Variants in SDK2 observed in about 807,000 individuals in gnomAD.
SDK2 encodes protein sidekick-2.
SDK2 carries 105 observed loss-of-function variants against 253.9 expected under a neutral mutation model. The ratio of observed to expected loss-of-function variants is 0.41; its 90% CI spans 0.35 to 0.49. SDK2 has a LOEUF of 0.49. SDK2 is among the 20% of genes least tolerant of loss of function. The pLI is 0.06. For missense variants in SDK2, 2,608 were observed against 3,003.0 expected, an observed-to-expected ratio of 0.87 and a Z score of 3.07; for synonymous variants, 1,249 against 1,234.9, an observed-to-expected ratio of 1.01 and a Z score of -0.24.
chr17:73,339,965 G>T (rs111826063), intron 44 of SDK2, among the ~76,000 whole-genome samples: 2 of 151,964 alleles, frequency 1.3e-5, no homozygotes, highest in East Asian at 1.9e-4. Context: ...CCACCTACCC[G>T]GTTCAAGTGA....
At chr17:73,615,924 T>C (rs2046049035) in intron 1 of SDK2, among the ~76,000 whole-genome samples, 1 of 152,244 alleles carries the variant, frequency 6.6e-6, no homozygotes, top group East Asian at 1.9e-4. Flanking sequence ...CACATACATA[T>C]ATACACAAAT....
chr17:73,512,398 A>G (rs937091695), intron 1 of SDK2, among the ~76,000 whole-genome samples: 1 of 152,120 alleles, frequency 6.6e-6, no homozygotes, highest in African/African-American at 2.4e-5. Flanking sequence ...GGTGCAGTAA[A>G]CAACCTGTGC....
Position 73,643,961 on chromosome 17 carries a change from G to GCCCCCCCCCCCCCCCCCCC in SDK2, c.64+63_64+64insGGGGGGGGGGGGGGGGGGG. ...GTCACCGTGAGGCCGGCCAGCTCCC[G>GCCCCCCCCCCCCCCCCCCC]CCGCCCCTCCCCCGCCCACTCTCCC... On this transcript the variant is annotated intron_variant, in intron 1 of 44. Transcript: ENST00000392650. The surrounding 1 kb of genome is among the most constrained non-coding windows in gnomAD (Gnocchi z 6.9). The GCCCCCCCCCCCCCCCCCCC allele has an allele frequency of 3.9e-6, 2 of 514,826 alleles. No individual in the cohort carries two copies. Among genetic ancestry groups the GCCCCCCCCCCCCCCCCCCC allele is most frequent in the Admixed American group, 2.5e-5 (1 of 40,750 alleles). The allele number at this position is 514,826 out of a possible 1,614,324, so 31.9% of individuals were successfully genotyped here. A position where few individuals can be genotyped will look rare whatever the true frequency, so the allele number is the denominator to read the frequency against.
Position 73,336,253 on chromosome 17 carries a change from A to G in SDK2, c.*2334T>C, listed in dbSNP as rs2062377087. 6.6e-6 allele frequency: 1 copy of G among 150,606 alleles called. No homozygotes were observed. Among genetic ancestry groups the G allele is most frequent in the Admixed American group, 6.6e-5 (1 of 15,168 alleles). The allele number at this position is 150,606 out of a possible 1,614,324, so 9.3% of individuals were successfully genotyped here. A position where few individuals can be genotyped will look rare whatever the true frequency, so the allele number is the denominator to read the frequency against. On this transcript the variant is annotated 3_prime_UTR_variant, in exon 45 of 45. Coordinates refer to ENST00000392650, the MANE Select transcript of SDK2 (RefSeq NM_001144952.2). The stretch of plus-strand genomic sequence containing the variant: ...CACGATCACAGGCCGGCAGCTGCAG[A>G]TGTGCTGCCATGGAGATGCCAGATG...
Position 73,395,449 on chromosome 17 carries a change from G to GCAGTTCCTCCCTGCAC in SDK2, c.3355-58_3355-57insGTGCAGGGAGGAACTG. On this transcript the variant is annotated intron_variant, in intron 24 of 44. Coordinates refer to ENST00000392650, the MANE Select transcript of SDK2 (RefSeq NM_001144952.2). The surrounding 1 kb of genome is among the most constrained non-coding windows in gnomAD (Gnocchi z 4.3). ...TGAGCCAGGCCCCCCACTGTGCAGG[G>GCAGTTCCTCCCTGCAC]AGGAACTGCCCTGCTACCCTCTCCT... The GCAGTTCCTCCCTGCAC allele has an allele frequency of 6.9e-7, 1 of 1,443,576 alleles. No homozygotes were observed. The highest frequency in any genetic ancestry group is 9.7e-7 in the Non-Finnish European group (1 of 1,030,506). The allele number at this position is 1,443,576 out of a possible 1,614,324, so 89.4% of individuals were successfully genotyped here. A position where few individuals can be genotyped will look rare whatever the true frequency, so the allele number is the denominator to read the frequency against.
intron 37 of SDK2, among the ~76,000 whole-genome samples, chr17:73,366,604 C>A (rs889351216): frequency 1.3e-5 from 2 of 152,216 alleles, no homozygotes; most frequent in Admixed American, 1.3e-4. Flanking sequence ...TCCACGAGGA[C>A]AGAACACTTG....
At chr17:73,438,519 G>A (rs2145626590) in intron 6 of SDK2, among the ~76,000 whole-genome samples, 1 of 152,312 alleles carries the variant, frequency 6.6e-6, no homozygotes, top group Non-Finnish European at 1.5e-5. Context: ...TTCCCTGTGT[G>A]CTGTGCCCCA....
chr17:73,436,949 T>C (rs2063374626), intron 8 of SDK2, among the ~76,000 whole-genome samples: 1 of 152,178 alleles, frequency 6.6e-6, no homozygotes, highest in Non-Finnish European at 1.5e-5. Flanking sequence ...GAATGTTACA[T>C]TCTACGCGAG....
intron 1 of SDK2, among the ~76,000 whole-genome samples, chr17:73,615,004 T>G (rs2046035683): frequency 6.6e-6 from 1 of 151,014 alleles, no homozygotes; most frequent in South Asian, 2.1e-4. Flanking sequence ...AAAGAAAGTT[T>G]GTAAAGGCTG....
intron 1 of SDK2, among the ~76,000 whole-genome samples, chr17:73,544,985 T>TTTCTTCCTTGGGCCTCCGCTCC (rs1555601113): frequency 8.6e-5 from 13 of 151,466 alleles, no homozygotes; most frequent in African/African-American, 3.2e-4. Flanking sequence ...GTCAAGGCTC[T>TTTCTTCCTTGGGCCTCCGCTCC]TTCTTCCTTG....
intron 4 of SDK2, among the ~76,000 whole-genome samples, chr17:73,452,976 C>T (rs1238734100): frequency 9.9e-5 from 15 of 152,170 alleles, no homozygotes; most frequent in Non-Finnish European, 4.4e-5. Flanking sequence ...TAAGTTAGGC[C>T]TAAGAGGGCA....
chr17:73,547,816 T>C (rs557397816), intron 1 of SDK2, among the ~76,000 whole-genome samples: 111 of 152,332 alleles, frequency 7.3e-4, no homozygotes, highest in Non-Finnish European at 8.5e-4. Flanking sequence ...ATTCTCATAA[T>C]GCTATAAAGA....
At position 73,338,506 on chromosome 17, in the gene SDK2, T is replaced by G; in HGVS notation, c.*81A>C. The G allele has an allele frequency of 1.2e-6, 1 of 869,354 alleles. No homozygotes were observed. The highest frequency in any genetic ancestry group is 1.8e-6 in the Non-Finnish European group (1 of 556,486). The allele number at this position is 869,354 out of a possible 1,614,324, so 53.9% of individuals were successfully genotyped here. On this transcript the variant is annotated 3_prime_UTR_variant, in exon 45 of 45. Coordinates refer to ENST00000392650, the MANE Select transcript of SDK2 (RefSeq NM_001144952.2). This position sits in a 1 kb window ranked among gnomAD's most constrained non-coding sequence, Gnocchi z 5.0. ...AAGTTGACTTGGTTTCTTGGTGTTT[T>G]TGTTTTCTGGCAGGCAGTGAGAGGA...
At chr17:73,566,487 G>A (rs1364633755) in intron 1 of SDK2, among the ~76,000 whole-genome samples, 1 of 152,120 alleles carries the variant, frequency 6.6e-6, no homozygotes, top group Non-Finnish European at 1.5e-5. Flanking sequence ...AATGAACAAA[G>A]GTTGAAAGAG....
intron 2 of SDK2, among the ~76,000 whole-genome samples, chr17:73,489,240 C>T (rs2063788821): frequency 6.6e-6 from 1 of 152,186 alleles, no homozygotes; most frequent in South Asian, 2.1e-4. Context: ...CATTCATTTC[C>T]TGTTGCTACC....
At chr17:73,477,722 A>G (rs2063696063) in intron 2 of SDK2, among the ~76,000 whole-genome samples, 1 of 152,128 alleles carries the variant, frequency 6.6e-6, no homozygotes, top group East Asian at 1.9e-4. Flanking sequence ...GCCAAGCACT[A>G]GGGGAGCATG....
At chr17:73,521,305 T>C (rs1340369736) in intron 1 of SDK2, 3 of 152,020 alleles carry the variant, frequency 2.0e-5, no homozygotes, top group Middle Eastern at 3.2e-3. Context: ...CCTCCCAAAG[T>C]GCTAGGATTA....
intron 1 of SDK2, among the ~76,000 whole-genome samples, chr17:73,514,584 C>T (rs2064008549): frequency 6.6e-6 from 1 of 152,194 alleles, no homozygotes; most frequent in African/African-American, 2.4e-5. Flanking sequence ...GGGGTGATGG[C>T]TTCTGCCAGC....
chr17:73,595,830 G>A (rs980060233), intron 1 of SDK2, among the ~76,000 whole-genome samples: 1 of 152,208 alleles, frequency 6.6e-6, no homozygotes, highest in Non-Finnish European at 1.5e-5. Flanking sequence ...GCAGCCAGGG[G>A]GGCTGAGAGG....
Sources: allele counts gnomAD v4.1 joint callset (sites outside exome capture counted in the v4.1 genomes callset), GRCh38; gene constraint gnomAD v4.1.1; non-coding constraint Gnocchi (gnomAD v3.1); transcripts MANE v1.5; gene names NCBI Gene and HGNC (gene_info 2026-07-23, HGNC 2026-07-21).